The following ADGRD1 variants were observed in gnomAD, a reference collection of about 807,000 sequenced individuals.
ADGRD1 encodes the protein G-protein coupled receptor 133.
A neutral mutation model predicts 113.4 loss-of-function variants in ADGRD1; 77 were observed. The ratio of observed to expected loss-of-function variants is 0.68; its 90% CI spans 0.57 to 0.82. ADGRD1 has a LOEUF of 0.82. ADGRD1 is among the 40% of genes least tolerant of loss of function. ADGRD1 has a pLI of 0.00. For missense variants in ADGRD1, 1,036 were observed against 1,139.1 expected, an observed-to-expected ratio of 0.91 and a Z score of 1.30; for synonymous variants, 474 against 475.0, an observed-to-expected ratio of 1.00 and a Z score of 0.03.
intron 12 of ADGRD1, among the ~76,000 whole-genome samples, chr12:131,013,387 G>A (rs1878160929): frequency 6.6e-6 from 1 of 152,144 alleles, no homozygotes; most frequent in South Asian, 2.1e-4. Context: ...CCCTCCTCAT[G>A]AATGCAAGCA....
At chr12:131,089,556 C>T (rs765254787) in intron 15 of ADGRD1, among the ~76,000 whole-genome samples, 12 of 152,086 alleles carry the variant, frequency 7.9e-5, no homozygotes, top group South Asian at 2.1e-4. Context: ...TGCAAGTGCT[C>T]CCTGCCAGTG....
At position 131,050,717 on chromosome 12, in the gene ADGRD1, G is replaced by T. The variant is rs548013972; in HGVS notation, c.1474-26084G>T. On this transcript the variant is annotated intron_variant, in intron 13 of 24. Coordinates refer to ENST00000261654, the MANE Select transcript of ADGRD1 (RefSeq NM_198827.5). The surrounding 1 kb of genome is among the most constrained non-coding windows in gnomAD (Gnocchi z 4.8). ...GGTCCCCAGACATTTTGGCACCAGG[G>T]ACTGGTTTCGTGGAAGACAATTTTT... is the stretch of plus-strand genomic sequence containing the variant. Among the ~76,000 whole-genome samples, 1 of 152,272 alleles carries T rather than the reference G, an allele frequency of 6.6e-6. No individual in the cohort carries two copies. The highest frequency in any genetic ancestry group is 1.9e-4 in the East Asian group (1 of 5,164).
intron 8 of ADGRD1, among the ~76,000 whole-genome samples, chr12:130,993,628 T>G (rs1049473668): frequency 6.6e-6 from 1 of 152,078 alleles, no homozygotes; most frequent in African/African-American, 2.4e-5. Context: ...GGAAGGTTAT[T>G]TAACCTCAGC....
chr12:131,009,935 C>T (rs559740664), intron 12 of ADGRD1, among the ~76,000 whole-genome samples: 66 of 152,324 alleles, frequency 4.3e-4, no homozygotes, highest in African/African-American at 1.5e-3. Context: ...AGATTTCCTG[C>T]TGGTTTGACT....
intron 6 of ADGRD1, chr12:130,989,747 A>C (rs1387592499): frequency 1.3e-5 from 2 of 152,270 alleles, no homozygotes; most frequent in East Asian, 3.9e-4. Flanking sequence ...CATGAGCCAG[A>C]GCTGGCACCA....
At chr12:131,072,414 C>A (rs956253057) in intron 13 of ADGRD1, among the ~76,000 whole-genome samples, 1 of 152,230 alleles carries the variant, frequency 6.6e-6, no homozygotes, top group Admixed American at 6.5e-5. Context: ...GTCTCTCTGA[C>A]CCTGGTGCGT....
At chr12:130,994,198 A>G (rs1302177778) in intron 8 of ADGRD1, 5 of 423,560 alleles carry the variant, frequency 1.2e-5, no homozygotes, top group Middle Eastern at 8.2e-4. Flanking sequence ...GGGTATAGAC[A>G]AGCTGGAAGG....
At chr12:130,978,545 TG>T (rs749073085) in intron 4 of ADGRD1, 1 of 152,102 alleles carries the variant, frequency 6.6e-6, no homozygotes, top group Non-Finnish European at 1.5e-5. Context: ...GAAGGCACAT[TG>T]TGAATTTGTT....
In ADGRD1 at chr12:130,958,527, C is replaced by T. The variant is rs149985934; in HGVS notation, c.103+3867C>T. Among the ~76,000 whole-genome samples, 30 of 152,180 alleles carry T rather than the reference C, an allele frequency of 2.0e-4. No homozygotes were observed. In the East Asian group the frequency reaches 5.2e-3, roughly 27 times the overall value. On this transcript the variant is annotated intron_variant, in intron 2 of 24. Coordinates refer to ENST00000261654, the MANE Select transcript of ADGRD1 (RefSeq NM_198827.5). Reference sequence around the variant, plus strand: ...AGTCCTTCCTTTTTGTCTTCTCTTCCGACATCTCAGGCTCTGCTCACCTCG... The same window carrying T: ...AGTCCTTCCTTTTTGTCTTCTCTTCTGACATCTCAGGCTCTGCTCACCTCG...
chr12:131,120,917 C>G lies in ADGRD1; in HGVS notation c.2175+4C>G. 1.2e-6 allele frequency: 2 copies of G among 1,613,560 alleles called. No individual in the cohort carries two copies. ...CCCTGCCCTGTTTGTCATCGTGGTACGTTTCCTACCCTTGTGGGCGCAGAG... is the reference window on the plus strand; with the variant it reads ...CCCTGCCCTGTTTGTCATCGTGGTAGGTTTCCTACCCTTGTGGGCGCAGAG... On this transcript the variant is annotated splice_donor_region_variant and intron_variant, in intron 20 of 24. Coordinates refer to ENST00000261654, the MANE Select transcript of ADGRD1 (RefSeq NM_198827.5).
At chr12:131,086,911 AAATT>A (rs1275407532) in intron 15 of ADGRD1, among the ~76,000 whole-genome samples, 2 of 152,186 alleles carry the variant, frequency 1.3e-5, no homozygotes, top group Non-Finnish European at 2.9e-5. Context: ...TAAATTAAAT[AAATT>A]AATTTTTAGA....
At chr12:130,998,475 C>CT (rs1271417790) in intron 8 of ADGRD1, among the ~76,000 whole-genome samples, 1 of 151,846 alleles carries the variant, frequency 6.6e-6, no homozygotes, top group East Asian at 1.9e-4. Context: ...CTTTTCCTTT[C>CT]TTTTTTTGAG....
At chr12:130,972,157 A>C (rs1305174044) in intron 4 of ADGRD1, among the ~76,000 whole-genome samples, 4 of 152,208 alleles carry the variant, frequency 2.6e-5, no homozygotes, top group African/African-American at 9.6e-5. Context: ...GTTTGCTTTT[A>C]CCGTGTGAAG....
chr12:131,022,667 G>A lies in ADGRD1; in HGVS notation c.1473+8327G>A, dbSNP rs1173642172. The A allele has an allele frequency of 6.6e-6, 1 of 152,128 alleles. No individual in the cohort carries two copies. The highest frequency in any genetic ancestry group is 1.9e-4 in the East Asian group (1 of 5,190). The allele number at this position is 152,128 out of a possible 1,614,324, so 9.4% of individuals were successfully genotyped here. A position where few individuals can be genotyped will look rare whatever the true frequency, so the allele number is the denominator to read the frequency against. ...CTTTGATGCCTCCCTCATTTTCTGA[G>A]TCCCTCCTTACATTCAGGCATTAAA... On this transcript the variant is annotated intron_variant, in intron 13 of 24. Transcript: ENST00000261654. The surrounding 1 kb of genome is among the most constrained non-coding windows in gnomAD (Gnocchi z 4.6).
At chr12:131,103,630 C>T (rs1171639031) in intron 15 of ADGRD1, among the ~76,000 whole-genome samples, 1 of 152,268 alleles carries the variant, frequency 6.6e-6, no homozygotes, top group African/African-American at 2.4e-5. Context: ...TCCCTCATTG[C>T]CAACAGCTCC....
At chr12:131,134,817 T>C (rs998158980) in intron 21 of ADGRD1, among the ~76,000 whole-genome samples, 1 of 152,236 alleles carries the variant, frequency 6.6e-6, no homozygotes, top group African/African-American at 2.4e-5. Context: ...CATTCATTCA[T>C]TCAATGTTTA....
rs773321501 is a variant in ADGRD1 at position 130,954,558 on chromosome 12, C to G, written c.66+27C>G. 3.7e-6 allele frequency: 6 copies of G among 1,613,282 alleles called. No homozygotes were observed. The highest frequency in any genetic ancestry group is 4.2e-6 in the Non-Finnish European group (5 of 1,179,486). On this transcript the variant is annotated intron_variant, in intron 1 of 24. Coordinates refer to ENST00000261654, the MANE Select transcript of ADGRD1 (RefSeq NM_198827.5). This position sits in a 1 kb window ranked among gnomAD's most constrained non-coding sequence, Gnocchi z 4.7. ...TAATGTCCCCAAGTGGCCAGGATGG[C>G]GACAGGCTTGGTTTCTCCGGAGGCT...
chr12:131,117,601 A>C (rs1950498559), intron 18 of ADGRD1, among the ~76,000 whole-genome samples: 1 of 152,152 alleles, frequency 6.6e-6, no homozygotes, highest in Admixed American at 6.5e-5. Context: ...CCAGGGTCAC[A>C]TGCCCATCTT....
chr12:131,130,959 T>C (rs751121505), intron 20 of ADGRD1, among the ~76,000 whole-genome samples: 2 of 152,224 alleles, frequency 1.3e-5, no homozygotes, highest in African/African-American at 2.4e-5. Context: ...ATCCTGGAAC[T>C]GGACTCCTTG....
Sources: allele counts gnomAD v4.1 joint callset (sites outside exome capture counted in the v4.1 genomes callset), GRCh38; gene constraint gnomAD v4.1.1; non-coding constraint Gnocchi (gnomAD v3.1); transcripts MANE v1.5; gene names NCBI Gene and HGNC (gene_info 2026-07-23, HGNC 2026-07-21).